The following HTR4 variants were observed in gnomAD, a reference collection of about 807,000 sequenced individuals.
HTR4 encodes the protein 5-hydroxytryptamine (serotonin) receptor 4, G protein-coupled.
In HTR4, 16 loss-of-function variants were observed where a neutral mutation model predicts 36.8. The ratio of observed to expected loss-of-function variants is 0.43; its 90% CI spans 0.29 to 0.66. The LOEUF (loss-of-function observed/expected upper bound fraction) is 0.66, where lower values mean the gene tolerates loss of function less well. HTR4 is among the 30% of genes least tolerant of loss of function. The pLI is 0.13. For missense variants in HTR4, 438 were observed against 490.9 expected, an observed-to-expected ratio of 0.89 and a Z score of 1.02; for synonymous variants, 189 against 185.1, an observed-to-expected ratio of 1.02 and a Z score of -0.17.
chr5:148,476,971 A>G (rs1328363989), downstream of HTR4, among the ~76,000 whole-genome samples: 2 of 152,198 alleles, frequency 1.3e-5, no homozygotes, highest in African/African-American at 2.4e-5. Flanking sequence ...CAGGAGTAGT[A>G]GCTGAATGTG....
intron 6 of HTR4, among the ~76,000 whole-genome samples, chr5:148,489,530 G>T (rs761403053): frequency 6.6e-6 from 1 of 152,202 alleles, no homozygotes; most frequent in Non-Finnish European, 1.5e-5. Flanking sequence ...ATAGCCCAGA[G>T]ACTGAGGAGA....
At chr5:148,649,687 GT>G (rs955247401) in intron 1 of HTR4, among the ~76,000 whole-genome samples, 14 of 152,180 alleles carry the variant, frequency 9.2e-5, no homozygotes, top group African/African-American at 3.1e-4. Flanking sequence ...AAAAGCAAAG[GT>G]TTTTCTGAAA....
chr5:148,542,265 C>A (rs1399345974), intron 4 of HTR4, among the ~76,000 whole-genome samples: 1 of 152,220 alleles, frequency 6.6e-6, no homozygotes, highest in Non-Finnish European at 1.5e-5. Flanking sequence ...TTTTAATATA[C>A]TTTCCTTGTG....
intron 2 of HTR4, among the ~76,000 whole-genome samples, chr5:148,561,372 G>A (rs556295732): frequency 6.6e-6 from 1 of 151,244 alleles, no homozygotes; most frequent in South Asian, 2.1e-4. Flanking sequence ...AGATAGGCAA[G>A]GTGAGATCTA....
At chr5:148,452,206 C>T (rs1291769928) in intron 5 of HTR4, among the ~76,000 whole-genome samples, 1 of 152,120 alleles carries the variant, frequency 6.6e-6, no homozygotes, top group African/African-American at 2.4e-5. Flanking sequence ...TATTTAATCC[C>T]CATAATTGCC....
chr5:148,482,297 G>C lies in HTR4; in HGVS notation c.*906C>G, dbSNP rs1561569870. 3 of 985,354 alleles carry C rather than the reference G, an allele frequency of 3.0e-6. No individual in the cohort carries two copies. The highest frequency in any genetic ancestry group is 1.1e-4 in the East Asian group (1 of 8,814). The allele number at this position is 985,354 out of a possible 1,614,324, so 61.0% of individuals were successfully genotyped here. The stretch of plus-strand genomic sequence containing the variant: ...GAAGGGTTTCAAAATGATATCACAA[G>C]TTCATGGGAAAGATCCTGAAGCCTA... On this transcript the variant is annotated 3_prime_UTR_variant, in exon 7 of 7. Transcript: ENST00000377888.
At chr5:148,478,372 G>T (rs1161027998), downstream of HTR4, among the ~76,000 whole-genome samples, 2 of 152,178 alleles carry the variant, frequency 1.3e-5, no homozygotes, top group Admixed American at 6.5e-5. Context: ...AGGTTCTGGG[G>T]TCTGGTAGCA....
At position 148,599,577 on chromosome 5, in the gene HTR4, G is replaced by A. The variant is rs114745027; in HGVS notation, c.26+37412C>T. On this transcript the variant is annotated intron_variant, in intron 2 of 6. Transcript: ENST00000377888. Reference sequence around the variant, plus strand: ...TGAAAAAAAATGAAAACACTTTAAGGCAAATAAAAACAGAATTTGTCATCA... The same window carrying A: ...TGAAAAAAAATGAAAACACTTTAAGACAAATAAAAACAGAATTTGTCATCA... Among the ~76,000 whole-genome samples, 243 of 151,684 alleles carry A rather than the reference G, an allele frequency of 1.6e-3. 3 individuals are homozygous for A. The highest frequency in any genetic ancestry group is 5.6e-3 in the African/African-American group (231 of 41,378).
chr5:148,492,363 A>G (rs2113737480), intron 6 of HTR4, among the ~76,000 whole-genome samples: 1 of 152,346 alleles, frequency 6.6e-6, no homozygotes, highest in East Asian at 1.9e-4. Flanking sequence ...GGTATGATGT[A>G]CCCAGGAAAC....
intron 2 of HTR4, among the ~76,000 whole-genome samples, chr5:148,590,146 T>G (rs1761503717): frequency 6.6e-6 from 1 of 152,146 alleles, no homozygotes. Context: ...GAAGATGTTC[T>G]GCCTACCATA....
chr5:148,467,281 T>C (rs1755453113), intron 5 of HTR4, among the ~76,000 whole-genome samples: 1 of 152,246 alleles, frequency 6.6e-6, no homozygotes, highest in Non-Finnish European at 1.5e-5. Context: ...ATATATATGT[T>C]ATTTTATTAG....
chr5:148,604,505 C>G (rs1313425528), intron 2 of HTR4, among the ~76,000 whole-genome samples: 4 of 152,054 alleles, frequency 2.6e-5, no homozygotes. Context: ...GCTACTAACT[C>G]AATGTACAGT....
intron 2 of HTR4, among the ~76,000 whole-genome samples, chr5:148,589,947 A>G (rs1243474578): frequency 6.6e-6 from 1 of 152,106 alleles, no homozygotes; most frequent in Non-Finnish European, 1.5e-5. Context: ...CTCCAGAAGT[A>G]TTTATTTATC....
At chr5:148,650,386 G>A (rs1289325411) in intron 1 of HTR4, among the ~76,000 whole-genome samples, 10 of 152,168 alleles carry the variant, frequency 6.6e-5, no homozygotes, top group Non-Finnish European at 1.0e-4. Context: ...TGGTAAGGCA[G>A]TCATTCTTAC....
chr5:148,641,768 G>A (rs75555521), intron 1 of HTR4, among the ~76,000 whole-genome samples: 1,842 of 152,226 alleles, frequency 0.012, 23 homozygotes, highest in Non-Finnish European at 0.021. Flanking sequence ...AGTTTTAAGT[G>A]CAAACCCCAA....
At chr5:148,451,131 G>C (rs986888446) in exon 6 of HTR4, 31 of 1,611,116 alleles carry the variant, frequency 1.9e-5, no homozygotes, top group Middle Eastern at 3.3e-4. Flanking sequence ...AGGGTGACCT[G>C]TTCATGCAAA....
chr5:148,529,242 G>T (rs1758435716), intron 4 of HTR4, among the ~76,000 whole-genome samples: 1 of 152,048 alleles, frequency 6.6e-6, no homozygotes, highest in African/African-American at 2.4e-5. Flanking sequence ...GAACTTGAAG[G>T]ATGCTAAGAA....
downstream of HTR4, among the ~76,000 whole-genome samples, chr5:148,471,938 A>C (rs1451277707): frequency 6.6e-6 from 1 of 152,212 alleles, no homozygotes; most frequent in East Asian, 1.9e-4. Flanking sequence ...GGGAAACACA[A>C]AAAGTTGCTG....
At chr5:148,548,605 C>T (rs1759504823) in intron 4 of HTR4, 63 bp downstream of exon 4, 2 of 1,289,180 alleles carry the variant, frequency 1.6e-6, no homozygotes, top group South Asian at 1.3e-5. Context: ...CAGACACTGC[C>T]CAATATCCAT....
Sources: gnomAD v4.1 joint callset for allele counts (sites outside exome capture counted in the v4.1 genomes callset) on GRCh38, gnomAD v4.1.1 for gene constraint, MANE v1.5 for transcripts, NCBI Gene and HGNC (gene_info 2026-07-23, HGNC 2026-07-21) for gene names.